DDX31: variants seen among roughly 807,000 people sequenced by gnomAD.
DDX31 encodes ATP-dependent DNA helicase DDX31.
Under a neutral mutation model 91.3 loss-of-function variants are expected in DDX31, and 70 were observed. The ratio of observed to expected loss-of-function variants is 0.77; its 90% CI spans 0.63 to 0.94. The LOEUF (loss-of-function observed/expected upper bound fraction) is 0.94, where lower values mean the gene tolerates loss of function less well. Among genes scored for constraint, DDX31 ranks in the 40% least tolerant of loss-of-function variants. The probability of loss-of-function intolerance (pLI) is 0.00; values close to 1 mark genes in which losing one functional copy is unlikely to be tolerated. For missense variants in DDX31, 902 were observed against 925.0 expected, an observed-to-expected ratio of 0.98 and a Z score of 0.32; for synonymous variants, 362 against 350.6, an observed-to-expected ratio of 1.03 and a Z score of -0.36.
intron 17 of DDX31, among the ~76,000 whole-genome samples, chr9:132,623,131 A>G (rs1424700031): frequency 1.3e-5 from 2 of 148,508 alleles, no homozygotes; most frequent in Non-Finnish European, 1.5e-5. Flanking sequence ...CTCCATCTCA[A>G]AAAAAAAAAA....
rs1055017430 is a variant in DDX31 at position 132,646,100 on chromosome 9, G to A, written c.1204-29C>T. On this transcript the variant is annotated intron_variant, in intron 12 of 19. Transcript: ENST00000372159. ...CATCGATACAAAGGGAGGAAAAACC[G>A]ACATATTTTAAGATTAGGTGACGCC... 8 of 1,601,130 alleles carry A rather than the reference G, an allele frequency of 5.0e-6. 1 individual carries two copies. In the Middle Eastern group the frequency reaches 5.0e-4, roughly 100 times the overall value.
intron 14 of DDX31, among the ~76,000 whole-genome samples, chr9:132,640,725 C>T (rs574915258): frequency 9.9e-5 from 15 of 152,208 alleles, no homozygotes; most frequent in Middle Eastern, 3.4e-3. Context: ...TCAGGCTGGT[C>T]GTGAACTCCT....
intron 6 of DDX31, chr9:132,658,177 A>T: frequency 1.5e-6 from 1 of 653,858 alleles, no homozygotes; most frequent in Non-Finnish European, 2.8e-6. Flanking sequence ...GCCCCTACAT[A>T]GCACAGGAGC....
chr9:132,635,383 T>C (rs1833041866), intron 14 of DDX31, among the ~76,000 whole-genome samples: 1 of 151,662 alleles, frequency 6.6e-6, no homozygotes, highest in Non-Finnish European at 1.5e-5. Flanking sequence ...TTCACAGCTC[T>C]GGGATACTTT....
intron 14 of DDX31, among the ~76,000 whole-genome samples, chr9:132,633,679 T>G (rs977011823): frequency 3.3e-5 from 5 of 151,878 alleles, no homozygotes; most frequent in Admixed American, 2.6e-4. Flanking sequence ...CCCCAAAGCT[T>G]AAAAAAACAG....
At chr9:132,617,893 C>T (rs1831746757) in intron 18 of DDX31, among the ~76,000 whole-genome samples, 1 of 152,210 alleles carries the variant, frequency 6.6e-6, no homozygotes, top group East Asian at 1.9e-4. Flanking sequence ...CAGTACTGTT[C>T]TTTCTCGTTT....
At chr9:132,641,160 C>G (rs1833480343) in intron 14 of DDX31, among the ~76,000 whole-genome samples, 1 of 152,194 alleles carries the variant, frequency 6.6e-6, no homozygotes, top group African/African-American at 2.4e-5. Context: ...TCTCCATTGC[C>G]TTTAATACTG....
chr9:132,597,066 A>T (rs1830471884), intron 19 of DDX31, among the ~76,000 whole-genome samples: 1 of 152,178 alleles, frequency 6.6e-6, no homozygotes, highest in Non-Finnish European at 1.5e-5. Context: ...AGTCACAGTT[A>T]AACATTAGGA....
chr9:132,647,775 T>C (rs998648653), intron 11 of DDX31, among the ~76,000 whole-genome samples: 5 of 152,128 alleles, frequency 3.3e-5, no homozygotes, highest in African/African-American at 4.8e-5. Flanking sequence ...AAGCGCTTCA[T>C]TGATATATTT....
intron 17 of DDX31, among the ~76,000 whole-genome samples, chr9:132,624,006 A>G (rs1366815917): frequency 1.3e-5 from 2 of 152,030 alleles, no homozygotes; most frequent in Non-Finnish European, 2.9e-5. Flanking sequence ...CTCTACTAAA[A>G]ATACGAAAAA....
At chr9:132,627,435 A>G (rs546790332) in intron 16 of DDX31, among the ~76,000 whole-genome samples, 44 of 152,330 alleles carry the variant, frequency 2.9e-4, no homozygotes, top group African/African-American at 9.6e-4. Context: ...CAAATCTACT[A>G]TGATTATTTA....
At chr9:132,623,712 G>A (rs1432161792) in intron 17 of DDX31, among the ~76,000 whole-genome samples, 1 of 151,852 alleles carries the variant, frequency 6.6e-6, no homozygotes, top group East Asian at 1.9e-4. Context: ...TCCAGTCCCT[G>A]CCCAAGGTCA....
chr9:132,651,652 C>G (rs934059555), intron 7 of DDX31, among the ~76,000 whole-genome samples: 12 of 152,120 alleles, frequency 7.9e-5, no homozygotes, highest in African/African-American at 2.9e-4. Context: ...ACCAACAGCT[C>G]CATTTGAGAA....
rs1257673748 is a variant in DDX31, at chr9:132,599,851, CA to C, written c.1995-4740del. ...GCCCTGAAGGTCTCTGCTGACGACG[CA>C]AGTCCCCCACATGGGAAGAAAAGCC... is the stretch of plus-strand genomic sequence containing the variant. On this transcript the variant is annotated intron_variant, in intron 19 of 19. Coordinates refer to ENST00000372159, the MANE Select transcript of DDX31 (RefSeq NM_022779.9). Among the ~76,000 whole-genome samples, 3 of 152,378 alleles carry C rather than the reference CA, an allele frequency of 2.0e-5. No individual in the cohort carries two copies. In the East Asian group the frequency reaches 5.8e-4, roughly 29 times the overall value.
At chr9:132,619,590 TAAC>T (rs1051624595) in intron 17 of DDX31, among the ~76,000 whole-genome samples, 22 of 152,316 alleles carry the variant, frequency 1.4e-4, no homozygotes, top group African/African-American at 5.1e-4. Context: ...TTAAGAGACT[TAAC>T]AACGTGAAAA....
chr9:132,600,074 G>T (rs1274605757), intron 19 of DDX31, among the ~76,000 whole-genome samples: 1 of 152,260 alleles, frequency 6.6e-6, no homozygotes, highest in African/African-American at 2.4e-5. Flanking sequence ...CCGTATGCTT[G>T]TACACAGAGG....
rs1316614484 is a variant in DDX31 at position 132,662,714 on chromosome 9, G to C, written c.76-19C>G. The stretch of plus-strand genomic sequence containing the variant: ...TTGCTTGCTGCGTTGTTCCCAGAAG[G>C]AAAGATCAACAAGAGATGCATTAGT... On this transcript the variant is annotated intron_variant, in intron 1 of 19. Coordinates refer to ENST00000372159, the MANE Select transcript of DDX31 (RefSeq NM_022779.9). 1 of 1,613,592 alleles carries C rather than the reference G, an allele frequency of 6.2e-7. No individual in the cohort carries two copies. The highest frequency in any genetic ancestry group is 1.7e-5 in the Admixed American group (1 of 59,914).
chr9:132,632,230 C>T (rs1832779214), intron 14 of DDX31, 139 bp from the exon 15 acceptor site: 6 of 215,698 alleles, frequency 2.8e-5, no homozygotes, highest in South Asian at 1.7e-4. Context: ...CACGTATATG[C>T]CCAGTACGTG....
At chr9:132,650,158 G>A (rs1390569318) in intron 9 of DDX31, 76 bp downstream of exon 9, 5 of 1,434,350 alleles carry the variant, frequency 3.5e-6, no homozygotes, top group Non-Finnish European at 4.9e-6. Flanking sequence ...AGCAGGTTTA[G>A]AAGGACCCAG....
Sources: allele counts gnomAD v4.1 joint callset (sites outside exome capture counted in the v4.1 genomes callset), GRCh38; gene constraint gnomAD v4.1.1; transcripts MANE v1.5; gene names NCBI Gene and HGNC (gene_info 2026-07-23, HGNC 2026-07-21).